Variants in KCNG2 observed in about 807,000 individuals in gnomAD.
The protein encoded by KCNG2 is potassium voltage-gated channel modifier subfamily G member 2, also known as voltage-gated potassium channel regulatory subunit KCNG2.
Under a neutral mutation model 12.3 loss-of-function variants are expected in KCNG2, and 7 were observed. The ratio of observed to expected loss-of-function variants is 0.57; its 90% CI spans 0.32 to 1.07. KCNG2 has a LOEUF of 1.07. Ranked by LOEUF, KCNG2 falls within the 50% of genes least tolerant of loss-of-function variation. The probability of loss-of-function intolerance (pLI) is 0.04; values close to 1 mark genes in which losing one functional copy is unlikely to be tolerated. For synonymous variants in KCNG2, 414 were observed against 351.4 expected (o/e 1.18, Z -1.99); for missense variants, 703 against 726.0 (o/e 0.97, Z 0.36).
intron 3 of KCNG2, among the ~76,000 whole-genome samples, chr18:79,890,177 T>G (rs996749844): frequency 6.6e-6 from 1 of 152,200 alleles, no homozygotes; most frequent in Non-Finnish European, 1.5e-5. Flanking sequence ...CTTGTGATAC[T>G]TCATCTGGTT....
In KCNG2 at chr18:79,899,712, A is replaced by G; in HGVS notation, c.1297A>G (p.Ser433Gly). ...ASPEPALQED[S>G]THSATATEDS... ...CCCCGAGCCGGCCCTGCAGGAGGAC[A>G]GCACGCACTCGGCCACAGCCACCGA... Residue 433 changes from serine to glycine, a missense_variant, in exon 4 of 4, where the codon AGC (serine) becomes GGC (glycine). Ser to Gly is a moderately conservative substitution (Grantham distance 56). Coordinates refer to ENST00000316249, the MANE Select transcript of KCNG2 (RefSeq NM_012283.2). 6.2e-7 allele frequency: 1 copy of G among 1,605,256 alleles called. No homozygotes were observed. Among genetic ancestry groups the G allele is most frequent in the East Asian group, 2.3e-5 (1 of 44,408 alleles).
At chr18:79,849,645 C>A (rs1471035842) in intron 1 of KCNG2, among the ~76,000 whole-genome samples, 9 of 152,244 alleles carry the variant, frequency 5.9e-5, no homozygotes, top group Non-Finnish European at 1.5e-5. Context: ...CCAGCGCGGA[C>A]GCTTGCCTTT....
At position 79,822,960 on chromosome 18, in the gene KCNG2, A is replaced by G. The variant is rs1407169403; in HGVS notation, c.-115+24946A>G. Among the ~76,000 whole-genome samples, 1 of 151,986 alleles carries G rather than the reference A, an allele frequency of 6.6e-6. No individual in the cohort carries two copies. The highest frequency in any genetic ancestry group is 2.4e-5 in the African/African-American group (1 of 41,366). The stretch of plus-strand genomic sequence containing the variant: ...CTTGTGGCATGTGAAGAGCGTGTGG[A>G]GCACCCCAAGGCTTTAGGAGTCACT... On this transcript the variant is annotated intron_variant, in intron 1 of 3. Transcript: ENST00000316249. The surrounding 1 kb of genome is among the most constrained non-coding windows in gnomAD (Gnocchi z 4.4).
chr18:79,894,444 T>C (rs1247586743), intron 3 of KCNG2, among the ~76,000 whole-genome samples: 1 of 152,130 alleles, frequency 6.6e-6, no homozygotes, highest in African/African-American at 2.4e-5. Flanking sequence ...CGGGTCTGTG[T>C]CTGCTTTTGA....
At chr18:79,824,933 A>C (rs953874169) in intron 1 of KCNG2, among the ~76,000 whole-genome samples, 8 of 152,038 alleles carry the variant, frequency 5.3e-5, no homozygotes, top group African/African-American at 9.7e-5. Context: ...CTTTCTTCTT[A>C]TTATATTTGG....
chr18:79,846,421 A>AAAAG (rs1180914619), intron 1 of KCNG2, among the ~76,000 whole-genome samples: 1 of 151,880 alleles, frequency 6.6e-6, no homozygotes, highest in African/African-American at 2.4e-5. Context: ...TCAGAAAAAA[A>AAAAG]AAAGAAAGAA....
rs1441889657 is a variant in KCNG2 at position 79,822,590 on chromosome 18, C to T, written c.-115+24576C>T. 6.6e-6 allele frequency among the ~76,000 whole-genome samples: 1 copy of T among 152,132 alleles called. No individual in the cohort carries two copies. Among genetic ancestry groups the T allele is most frequent in the East Asian group, 1.9e-4 (1 of 5,182 alleles). Reference sequence around the variant, plus strand: ...AGTAGCTGGGGCCACAGGCGTGAGCCACCATGCCTGGCTAATTTTTGTAGA... The same window carrying T: ...AGTAGCTGGGGCCACAGGCGTGAGCTACCATGCCTGGCTAATTTTTGTAGA... On this transcript the variant is annotated intron_variant, in intron 1 of 3. Transcript: ENST00000316249. This position sits in a 1 kb window ranked among gnomAD's most constrained non-coding sequence, Gnocchi z 4.4.
intron 1 of KCNG2, among the ~76,000 whole-genome samples, chr18:79,835,884 T>G (rs962644089): frequency 6.6e-6 from 1 of 152,014 alleles, no homozygotes; most frequent in African/African-American, 2.4e-5. Flanking sequence ...CTAGAACAGA[T>G]ACAAAAAACA....
At chr18:79,830,216 A>G (rs1978291750) in intron 1 of KCNG2, among the ~76,000 whole-genome samples, 1 of 152,162 alleles carries the variant, frequency 6.6e-6, no homozygotes, top group Non-Finnish European at 1.5e-5. Context: ...CTAAGGGTTC[A>G]TGGTCCATCC....
chr18:79,853,536 T>C (rs1978898895), intron 1 of KCNG2, among the ~76,000 whole-genome samples: 1 of 152,024 alleles, frequency 6.6e-6, no homozygotes, highest in Admixed American at 6.6e-5. Context: ...CAGAGGGTGG[T>C]GTGCAGTGTT....
intron 3 of KCNG2, among the ~76,000 whole-genome samples, chr18:79,870,463 A>G (rs1261262973): frequency 1.3e-5 from 2 of 151,400 alleles, no homozygotes; most frequent in Non-Finnish European, 2.9e-5. Context: ...GGGTGGTGGC[A>G]GTTTCCGTGC....
At chr18:79,814,675 C>T (rs532795579) in intron 1 of KCNG2, among the ~76,000 whole-genome samples, 22 of 152,316 alleles carry the variant, frequency 1.4e-4, no homozygotes, top group Middle Eastern at 3.4e-3. Flanking sequence ...AAGAGGCCAC[C>T]ATTGGCGGAA....
intron 3 of KCNG2, among the ~76,000 whole-genome samples, chr18:79,875,250 C>G (rs1278735626): frequency 1.3e-5 from 2 of 152,154 alleles, no homozygotes; most frequent in Non-Finnish European, 2.9e-5. Flanking sequence ...AGGGTCCTGC[C>G]CCATCATGGG....
At chr18:79,881,519 A>T (rs1244201538) in intron 3 of KCNG2, among the ~76,000 whole-genome samples, 1 of 152,218 alleles carries the variant, frequency 6.6e-6, no homozygotes, top group African/African-American at 2.4e-5. Flanking sequence ...AAAACCATGA[A>T]TTGCTTACAT....
At chr18:79,798,733 G>A (rs1256036833) in intron 1 of KCNG2, among the ~76,000 whole-genome samples, 2 of 152,198 alleles carry the variant, frequency 1.3e-5, no homozygotes, top group Non-Finnish European at 1.5e-5. Context: ...CTTGCCCGCC[G>A]AGCGCAGCCC....
chr18:79,817,901 G>T (rs1487999866), intron 1 of KCNG2, among the ~76,000 whole-genome samples: 1 of 152,228 alleles, frequency 6.6e-6, no homozygotes, highest in Non-Finnish European at 1.5e-5. Flanking sequence ...GGGTGGGGGT[G>T]CCCTGAGGGT....
chr18:79,880,814 A>G (rs1003250458), intron 3 of KCNG2, among the ~76,000 whole-genome samples: 1 of 152,226 alleles, frequency 6.6e-6, no homozygotes, highest in African/African-American at 2.4e-5. Flanking sequence ...AACCCATGTA[A>G]TTCACAATAT....
intron 3 of KCNG2, among the ~76,000 whole-genome samples, chr18:79,878,046 G>T (rs535979258): frequency 6.6e-6 from 1 of 152,386 alleles, no homozygotes; most frequent in East Asian, 1.9e-4. Context: ...GTTCCCGATG[G>T]CACCGGCGCT....
At chr18:79,802,166 T>G (rs2087414686) in intron 1 of KCNG2, among the ~76,000 whole-genome samples, 1 of 152,218 alleles carries the variant, frequency 6.6e-6, no homozygotes, top group Non-Finnish European at 1.5e-5. Flanking sequence ...ATAAAATATT[T>G]TTCTCACTGT....
Sources: gnomAD v4.1 joint callset for allele counts (sites outside exome capture counted in the v4.1 genomes callset) on GRCh38, gnomAD v4.1.1 for gene constraint, Gnocchi (gnomAD v3.1) non-coding constraint, MANE v1.5 for transcripts, NCBI Gene and HGNC (gene_info 2026-07-23, HGNC 2026-07-21) for gene names.